The following SERPINB7 variants were observed in gnomAD, a reference collection of about 807,000 sequenced individuals.
SERPINB7 encodes serpin family B member 7, also known as serpin B7.
Under a neutral mutation model 37.4 loss-of-function variants are expected in SERPINB7, and 31 were observed. That is an observed-to-expected ratio of 0.83 (90% confidence interval 0.62 to 1.12). The LOEUF (loss-of-function observed/expected upper bound fraction) is 1.12. Among genes scored for constraint, SERPINB7 ranks in the 50% most tolerant of loss-of-function variants. SERPINB7 has a pLI of 0.00. For synonymous variants in SERPINB7, 163 were observed against 166.1 expected, an observed-to-expected ratio of 0.98 and a Z score of 0.14; for missense variants, 521 against 455.3, an observed-to-expected ratio of 1.14 and a Z score of -1.31.
intron 4 of SERPINB7, among the ~76,000 whole-genome samples, chr18:63,794,463 G>A (rs2049464465): frequency 6.6e-6 from 1 of 152,028 alleles, no homozygotes; most frequent in African/African-American, 2.4e-5. Context: ...GGCCGAGGCG[G>A]GCGGATCACA....
intron 2 of SERPINB7, among the ~76,000 whole-genome samples, chr18:63,788,538 T>C (rs945361526): frequency 6.6e-6 from 1 of 152,226 alleles, no homozygotes. Context: ...GTTAACTTAT[T>C]ACTGAAAACA....
intron 7 of SERPINB7, 94 bp downstream of exon 7, chr18:63,801,106 A>G (rs1030378729): frequency 7.0e-5 from 89 of 1,263,592 alleles, no homozygotes; most frequent in Non-Finnish European, 8.9e-5. Context: ...ATTTCAGGGT[A>G]TTGAGATACT....
rs186083927 is a variant in SERPINB7, at chr18:63,766,182, G to C, written c.-19+13062G>C. Among the ~76,000 whole-genome samples the C allele has an allele frequency of 2.0e-5, 3 of 151,776 alleles. No homozygotes were observed. The East Asian group carries it at 5.8e-4, about 29-fold the overall frequency. ...TTGCATGACTATTTGTCAGAATCTA[G>C]ACACATGTTCCTCCCCATCTGCAAG... On this transcript the variant is annotated intron_variant, in intron 1 of 7. Transcript: ENST00000336429.
At chr18:63,768,412 G>A (rs779808379) in intron 1 of SERPINB7, among the ~76,000 whole-genome samples, 31 of 151,824 alleles carry the variant, frequency 2.0e-4, no homozygotes, top group Non-Finnish European at 3.8e-4. Context: ...AATGATATCA[G>A]AATTATTTAC....
intron 1 of SERPINB7, among the ~76,000 whole-genome samples, chr18:63,754,723 A>G (rs919018216): frequency 2.0e-5 from 3 of 152,064 alleles, no homozygotes; most frequent in African/African-American, 7.2e-5. Context: ...AAGCTTTCTC[A>G]AGCACTTCTT....
At chr18:63,796,926 T>C (rs766772096) in intron 5 of SERPINB7, among the ~76,000 whole-genome samples, 1 of 152,204 alleles carries the variant, frequency 6.6e-6, no homozygotes, top group Non-Finnish European at 1.5e-5. Context: ...TTTCATGATA[T>C]TGCTTTTTCC....
chr18:63,757,008 C>T (rs1413495275), intron 1 of SERPINB7, among the ~76,000 whole-genome samples: 1 of 152,148 alleles, frequency 6.6e-6, no homozygotes, highest in African/African-American at 2.4e-5. Flanking sequence ...GTTAGTAGTA[C>T]ATGAATGTCT....
chr18:63,783,263 A>G (rs945926051), intron 2 of SERPINB7, among the ~76,000 whole-genome samples: 11 of 149,396 alleles, frequency 7.4e-5, no homozygotes, highest in African/African-American at 2.0e-4. Context: ...AGAAAGAAAG[A>G]AAGAAAGAAA....
In SERPINB7 at chr18:63,765,494, A is replaced by G. The variant is rs144862456; in HGVS notation, c.-19+12374A>G. On this transcript the variant is annotated intron_variant, in intron 1 of 7. Coordinates refer to the SERPINB7 transcript ENST00000336429. Reference sequence around the variant, plus strand: ...CTAGAGTGTTATTTTTTAAAAAGTAAGATAAGAATAAGCCATCTCTTGCTT... The same window carrying G: ...CTAGAGTGTTATTTTTTAAAAAGTAGGATAAGAATAAGCCATCTCTTGCTT... Among the ~76,000 whole-genome samples the G allele has an allele frequency of 9.2e-5, 14 of 152,264 alleles. No homozygotes were observed. In the East Asian group the frequency reaches 2.5e-3, roughly 27 times the overall value.
At chr18:63,773,931 C>T (rs1047907120), upstream of SERPINB7, among the ~76,000 whole-genome samples, 8 of 152,070 alleles carry the variant, frequency 5.3e-5, no homozygotes, top group African/African-American at 1.4e-4. Context: ...ATGTGTGTCA[C>T]GTGGGTCCCT....
At chr18:63,788,924 A>G (rs1599011502) in intron 2 of SERPINB7, among the ~76,000 whole-genome samples, 1 of 152,218 alleles carries the variant, frequency 6.6e-6, no homozygotes, top group African/African-American at 2.4e-5. Context: ...ATGAGTACAC[A>G]CTGTAACATT....
chr18:63,763,736 G>A (rs1031478307), intron 1 of SERPINB7, among the ~76,000 whole-genome samples: 9 of 152,150 alleles, frequency 5.9e-5, no homozygotes, highest in African/African-American at 2.2e-4. Flanking sequence ...TTTGACTTGG[G>A]TTTAATAAGG....
chr18:63,784,110 T>C (rs971200231), intron 2 of SERPINB7, among the ~76,000 whole-genome samples: 4 of 152,168 alleles, frequency 2.6e-5, no homozygotes, highest in Admixed American at 6.5e-5. Context: ...TATGATCTTA[T>C]TTGATATTCA....
chr18:63,773,271 G>A (rs2049221963), upstream of SERPINB7, among the ~76,000 whole-genome samples: 1 of 152,038 alleles, frequency 6.6e-6, no homozygotes. Flanking sequence ...TTCAATGTCT[G>A]GAATTTGGAC....
At chr18:63,785,756 C>T (rs2049357989) in intron 2 of SERPINB7, among the ~76,000 whole-genome samples, 1 of 150,962 alleles carries the variant, frequency 6.6e-6, no homozygotes, top group Non-Finnish European at 1.5e-5. Flanking sequence ...TTTTTATTTT[C>T]ATTTAGATCT....
intron 2 of SERPINB7, among the ~76,000 whole-genome samples, chr18:63,788,449 A>G (rs1474487286): frequency 6.6e-6 from 1 of 152,366 alleles, no homozygotes; most frequent in East Asian, 1.9e-4. Context: ...GTGTTTTAAG[A>G]CTAGTGTTGT....
intron 1 of SERPINB7, among the ~76,000 whole-genome samples, chr18:63,780,984 G>A (rs148996807): frequency 1.3e-5 from 2 of 152,128 alleles, no homozygotes; most frequent in Non-Finnish European, 2.9e-5. Flanking sequence ...TCTGGATCAT[G>A]CATTGTACTA....
At chr18:63,800,672 A>C in intron 6 of SERPINB7, among the ~76,000 whole-genome samples, 194 bp from the exon 7 acceptor site, 1 of 152,212 alleles carries the variant, frequency 6.6e-6, no homozygotes, top group East Asian at 1.9e-4. Flanking sequence ...AAACTCAAGG[A>C]ATCAAATTTG....
At chr18:63,782,106 T>C (rs2049306373) in intron 1 of SERPINB7, among the ~76,000 whole-genome samples, 1 of 151,726 alleles carries the variant, frequency 6.6e-6, no homozygotes, top group East Asian at 1.9e-4. Context: ...TGCTTGGGGG[T>C]TGGAAACAGG....
Sources: gnomAD v4.1 joint callset for allele counts (sites outside exome capture counted in the v4.1 genomes callset) on GRCh38, gnomAD v4.1.1 for gene constraint, MANE v1.5 for transcripts, NCBI Gene and HGNC (gene_info 2026-07-23, HGNC 2026-07-21) for gene names.